The following IL1RAPL2 variants were observed in gnomAD, a reference collection of about 807,000 sequenced individuals.
IL1RAPL2 encodes the protein interleukin 1 receptor accessory protein like 2.
Under a neutral mutation model 44.1 loss-of-function variants are expected in IL1RAPL2, and 3 were observed. The observed-to-expected ratio is 0.07, with a 90% CI of 0.03 to 0.18. The LOEUF (loss-of-function observed/expected upper bound fraction) is 0.18, where lower values mean the gene tolerates loss of function less well. Among genes scored for constraint, IL1RAPL2 ranks in the 10% least tolerant of loss-of-function variants. IL1RAPL2 has a pLI of 1.00. For synonymous variants in IL1RAPL2, 181 were observed against 178.8 expected (o/e 1.01, Z -0.10); for missense variants, 391 against 496.4 (o/e 0.79, Z 2.02).
chrX:104,603,859 G>A (rs1052417461), intron 1 of IL1RAPL2, among the ~76,000 whole-genome samples: 6 of 111,903 alleles, frequency 5.4e-5, no homozygotes, highest in African/African-American at 2.0e-4. Flanking sequence ...TGAGGAGAAT[G>A]GAATGAAGTT....
At chrX:105,748,141 A>G (rs1450982150) in intron 8 of IL1RAPL2, among the ~76,000 whole-genome samples, 1 of 111,391 alleles carries the variant, frequency 9.0e-6, no homozygotes, top group Non-Finnish European at 1.9e-5. Flanking sequence ...TATTAATATC[A>G]CTGATTAACT....
In IL1RAPL2 at chrX:105,245,399, G is replaced by T. The variant is rs192318851; in HGVS notation, c.543+11395G>T. ...AGAGGTGAATCAGGTGGTACTGGAG[G>T]CATGTTCATAAAGATGCCTGAGTAA... On this transcript the variant is annotated intron_variant, in intron 4 of 10. Transcript: ENST00000372582. Among the ~76,000 whole-genome samples, 3 of 111,411 alleles carry T rather than the reference G, an allele frequency of 2.7e-5. No homozygotes were observed. The East Asian group carries it at 8.5e-4, about 32-fold the overall frequency.
At chrX:105,155,756 G>A (rs1458211602) in intron 2 of IL1RAPL2, among the ~76,000 whole-genome samples, 1 of 111,218 alleles carries the variant, frequency 9.0e-6, no homozygotes, top group Non-Finnish European at 1.9e-5. Context: ...ATGCAGATGT[G>A]CAAAGCATTA....
chrX:105,462,511 C>A (rs1384184785), intron 5 of IL1RAPL2, among the ~76,000 whole-genome samples: 1 of 111,221 alleles, frequency 9.0e-6, no homozygotes, highest in Non-Finnish European at 1.9e-5. Context: ...GAGAGAGCTG[C>A]TTGTTTCAAT....
At chrX:105,386,886 T>C (rs2035480141) in intron 5 of IL1RAPL2, among the ~76,000 whole-genome samples, 1 of 111,703 alleles carries the variant, frequency 9.0e-6, no homozygotes, top group Non-Finnish European at 1.9e-5. Context: ...TCAAGGAAAG[T>C]GTTTTACCTC....
chrX:105,147,148 G>T (rs889085694), intron 2 of IL1RAPL2, among the ~76,000 whole-genome samples: 1 of 111,220 alleles, frequency 9.0e-6, no homozygotes, highest in Admixed American at 9.6e-5. Flanking sequence ...TTTGATGGGG[G>T]TCTGGGTTTC....
chrX:104,943,445 C>A (rs902424239), intron 2 of IL1RAPL2, among the ~76,000 whole-genome samples: 3 of 111,638 alleles, frequency 2.7e-5, no homozygotes, highest in African/African-American at 9.7e-5. Context: ...CTGATTTATC[C>A]CATCTTTTCT....
intron 6 of IL1RAPL2, among the ~76,000 whole-genome samples, chrX:105,535,247 C>T (rs996750473): frequency 1.8e-5 from 2 of 111,480 alleles, no homozygotes; most frequent in East Asian, 2.8e-4. Context: ...TTAAAGTGAT[C>T]GCGAGACCCA....
chrX:105,404,102 T>C (rs2035625105), intron 5 of IL1RAPL2, among the ~76,000 whole-genome samples: 1 of 111,922 alleles, frequency 8.9e-6, no homozygotes, highest in Non-Finnish European at 1.9e-5. Context: ...CCTTGTGTCC[T>C]GTCCCTCAAC....
chrX:104,662,135 T>C (rs935439632), intron 2 of IL1RAPL2, among the ~76,000 whole-genome samples: 10 of 111,882 alleles, frequency 8.9e-5, no homozygotes, highest in African/African-American at 3.2e-4. Context: ...GTTTTGGAGG[T>C]TGGTTTGTTT....
At chrX:105,141,287 G>T (rs1267926870) in intron 2 of IL1RAPL2, among the ~76,000 whole-genome samples, 1 of 110,671 alleles carries the variant, frequency 9.0e-6, no homozygotes, top group Non-Finnish European at 1.9e-5. Flanking sequence ...AGTTTAGAAA[G>T]CTTCAAGCAT....
intron 2 of IL1RAPL2, among the ~76,000 whole-genome samples, chrX:104,673,597 A>C (rs1930669664): frequency 9.0e-6 from 1 of 111,044 alleles, no homozygotes; most frequent in Non-Finnish European, 1.9e-5. Flanking sequence ...TTTTGGTTCC[A>C]TATGAACTTT....
At chrX:105,338,130 A>T (rs2035043221) in intron 5 of IL1RAPL2, among the ~76,000 whole-genome samples, 1 of 111,878 alleles carries the variant, frequency 8.9e-6, no homozygotes. Context: ...CTATTTAAAG[A>T]TTAAATATAG....
At chrX:104,777,394 A>G (rs1416293327) in intron 2 of IL1RAPL2, among the ~76,000 whole-genome samples, 3 of 110,041 alleles carry the variant, frequency 2.7e-5, no homozygotes, top group African/African-American at 9.9e-5. Context: ...TTTTAAAGCT[A>G]AGTAATATTT....
At chrX:105,466,959 T>C (rs1220045435) in intron 5 of IL1RAPL2, among the ~76,000 whole-genome samples, 1 of 110,809 alleles carries the variant, frequency 9.0e-6, no homozygotes, top group Non-Finnish European at 1.9e-5. Flanking sequence ...ACAGACCCAC[T>C]ATCACGATAA....
At chrX:105,043,143 G>T (rs2031780398) in intron 2 of IL1RAPL2, among the ~76,000 whole-genome samples, 1 of 107,711 alleles carries the variant, frequency 9.3e-6, no homozygotes. Context: ...ACGAGTTAGT[G>T]GGTTCAGCGC....
intron 2 of IL1RAPL2, among the ~76,000 whole-genome samples, chrX:104,972,142 T>G (rs770661136): frequency 1.1e-3 from 119 of 111,585 alleles, no homozygotes; most frequent in African/African-American, 3.8e-3. Context: ...CGGGCAGTAC[T>G]CCCACCTTCC....
intron 6 of IL1RAPL2, among the ~76,000 whole-genome samples, chrX:105,686,380 C>CAAAAAA (rs1177667576): frequency 5.2e-4 from 13 of 25,165 alleles, no homozygotes; most frequent in Admixed American, 7.1e-4. Flanking sequence ...AAATGGAAAG[C>CAAAAAA]AAAAAAAAAA....
chrX:105,221,939 C>A (rs1400205769), intron 3 of IL1RAPL2, among the ~76,000 whole-genome samples: 1 of 111,665 alleles, frequency 9.0e-6, no homozygotes, highest in African/African-American at 3.3e-5. Context: ...GACATCCATG[C>A]CCACTTAGGG....
Sources: gnomAD v4.1 joint callset for allele counts (sites outside exome capture counted in the v4.1 genomes callset) on GRCh38, gnomAD v4.1.1 for gene constraint, MANE v1.5 for transcripts, NCBI Gene and HGNC (gene_info 2026-07-23, HGNC 2026-07-21) for gene names.